Variants in ERBB4 observed in about 807,000 individuals in gnomAD.
The protein encoded by ERBB4 is erb-b2 receptor tyrosine kinase 4, also known as receptor tyrosine-protein kinase erbB-4.
In ERBB4, 42 loss-of-function variants were observed where a neutral mutation model predicts 158.0. The ratio of observed to expected loss-of-function variants is 0.27; its 90% confidence interval spans 0.21 to 0.34. The LOEUF (loss-of-function observed/expected upper bound fraction) is 0.34. ERBB4 is among the 10% of genes least tolerant of loss of function. The probability of loss-of-function intolerance (pLI) is 1.00; values close to 1 mark genes in which losing one functional copy is unlikely to be tolerated. For synonymous variants in ERBB4, 583 were observed against 558.7 expected, an observed-to-expected ratio of 1.04 and a Z score of -0.61; for missense variants, 1,333 against 1,624.1, an observed-to-expected ratio of 0.82 and a Z score of 3.08.
At chr2:211,962,445 A>G (rs1467137282) in intron 2 of ERBB4, among the ~76,000 whole-genome samples, 1 of 152,182 alleles carries the variant, frequency 6.6e-6, no homozygotes, top group Non-Finnish European at 1.5e-5. Context: ...TCACAGGTCT[A>G]AGACTGCTGA....
intron 1 of ERBB4, among the ~76,000 whole-genome samples, chr2:212,443,552 C>A (rs1230667187): frequency 6.6e-6 from 1 of 152,152 alleles, no homozygotes; most frequent in Non-Finnish European, 1.5e-5. Context: ...GCAACACATT[C>A]CTCATTTGGG....
At chr2:211,422,937 T>G (rs558087950) in intron 23 of ERBB4, among the ~76,000 whole-genome samples, 1 of 152,074 alleles carries the variant, frequency 6.6e-6, no homozygotes, top group African/African-American at 2.4e-5. Context: ...TTTAATAGAA[T>G]AAGGCTGTAA....
At position 211,376,047 on chromosome 2, in the gene ERBB4, A is replaced by T. The variant is rs992781686; in HGVS notation, c.*7568T>A. The T allele has an allele frequency of 4.3e-5, 10 of 232,976 alleles. No individual in the cohort carries two copies. Among genetic ancestry groups the T allele is most frequent in the Non-Finnish European group, 6.8e-5 (8 of 117,712 alleles). 14.4% of individuals were successfully genotyped at this position (232,976 alleles called of 1,614,324 possible). On this transcript the variant is annotated 3_prime_UTR_variant, in exon 28 of 28. Transcript: ENST00000342788. ...TGGAGGAGAAGAAAGAATAAGAGAA[A>T]GTATACTAAAAATATGCCTAACATT...
intron 2 of ERBB4, among the ~76,000 whole-genome samples, chr2:212,052,849 T>C (rs879738410): frequency 1.3e-5 from 2 of 152,208 alleles, no homozygotes; most frequent in Admixed American, 1.3e-4. Flanking sequence ...ACCCCAATTT[T>C]AGTTGCTCAG....
chr2:212,122,745 G>A (rs1480863532), intron 2 of ERBB4, among the ~76,000 whole-genome samples: 1 of 151,614 alleles, frequency 6.6e-6, no homozygotes, highest in Non-Finnish European at 1.5e-5. Flanking sequence ...ATCATTCCAT[G>A]CTGTTACCTT....
intron 1 of ERBB4, among the ~76,000 whole-genome samples, chr2:212,250,559 G>A (rs1161144049): frequency 6.6e-6 from 1 of 151,788 alleles, no homozygotes; most frequent in Non-Finnish European, 1.5e-5. Context: ...TTAAATTTGG[G>A]ACACAGGATT....
chr2:212,140,367 T>G (rs1354282758), intron 1 of ERBB4, among the ~76,000 whole-genome samples: 1 of 120,610 alleles, frequency 8.3e-6, no homozygotes, highest in Non-Finnish European at 1.6e-5. Context: ...ATATATATAG[T>G]AATATCTATA....
At chr2:212,498,932 AT>A (rs1273874690) in intron 1 of ERBB4, among the ~76,000 whole-genome samples, 1 of 152,084 alleles carries the variant, frequency 6.6e-6, no homozygotes, top group African/African-American at 2.4e-5. Flanking sequence ...ATCTTTGAAG[AT>A]TCTGGACAAG....
chr2:211,992,567 G>GAGA (rs1553528768), intron 2 of ERBB4, among the ~76,000 whole-genome samples: 79 of 125,230 alleles, frequency 6.3e-4, no homozygotes, highest in African/African-American at 2.0e-3. Context: ...GAGAGAGAGA[G>GAGA]AAAAAAAAAA....
At chr2:211,448,865 T>A (rs988124273) in intron 20 of ERBB4, among the ~76,000 whole-genome samples, 2 of 152,204 alleles carry the variant, frequency 1.3e-5, no homozygotes, top group African/African-American at 4.8e-5. Flanking sequence ...TAAGAGATTT[T>A]AAAAAATTAA....
chr2:211,947,330 G>T, intron 3 of ERBB4, 100 bp downstream of exon 3: 1 of 944,600 alleles, frequency 1.1e-6, no homozygotes, highest in East Asian at 2.5e-5. Flanking sequence ...AAATGCCTTA[G>T]AGTGTTCCTC....
intron 1 of ERBB4, among the ~76,000 whole-genome samples, chr2:212,250,402 G>T (rs1220049804): frequency 6.6e-6 from 1 of 151,826 alleles, no homozygotes; most frequent in Non-Finnish European, 1.5e-5. Context: ...ACTGTTACAA[G>T]TATAAGGTGT....
At chr2:211,939,398 T>C (rs1343652892) in intron 3 of ERBB4, among the ~76,000 whole-genome samples, 1 of 152,058 alleles carries the variant, frequency 6.6e-6, no homozygotes, top group Non-Finnish European at 1.5e-5. Context: ...AGATTTTTTT[T>C]TTTTTGAAAG....
At chr2:211,437,790 G>C (rs1365534575) in intron 20 of ERBB4, among the ~76,000 whole-genome samples, 5 of 151,848 alleles carry the variant, frequency 3.3e-5, no homozygotes, top group Admixed American at 6.6e-5. Flanking sequence ...TGAAGCTTTC[G>C]TAATAACAGG....
rs539299598 is a variant in ERBB4, at chr2:211,786,616, C to T, written c.556+1409G>A. On this transcript the variant is annotated intron_variant, in intron 4 of 27. Coordinates refer to ENST00000342788, the MANE Select transcript of ERBB4 (RefSeq NM_005235.3). ...CAGCAAACCCCTCAGACCTTTCCTGCTCCAAATTCTGTAAGGCTGGTGGGC... is the reference window on the plus strand; with the variant it reads ...CAGCAAACCCCTCAGACCTTTCCTGTTCCAAATTCTGTAAGGCTGGTGGGC... 1.1e-4 allele frequency among the ~76,000 whole-genome samples: 16 copies of T among 152,294 alleles called. No individual in the cohort carries two copies. The East Asian group carries it at 3.1e-3, about 29-fold the overall frequency.
chr2:212,528,173 A>C (rs1277095221), intron 1 of ERBB4, among the ~76,000 whole-genome samples: 4 of 152,018 alleles, frequency 2.6e-5, no homozygotes, highest in Non-Finnish European at 5.9e-5. Context: ...GGAAAGCAAA[A>C]AGAGCTGCTG....
intron 3 of ERBB4, among the ~76,000 whole-genome samples, chr2:211,795,609 T>A (rs2076366471): frequency 6.6e-6 from 1 of 151,896 alleles, no homozygotes; most frequent in East Asian, 1.9e-4. Flanking sequence ...TTCTATTTTG[T>A]TCTTGTTTCT....
chr2:211,820,208 A>G (rs1006540320), intron 3 of ERBB4, among the ~76,000 whole-genome samples: 6 of 151,934 alleles, frequency 3.9e-5, no homozygotes, highest in African/African-American at 1.4e-4. Context: ...AAGAAGTACT[A>G]ATTTATGCTT....
rs1047804300 is a variant in ERBB4 at position 211,753,854 on chromosome 2, A to ATTTTT, written c.557-3155_557-3151dup. ...GCATGCACTAACCTCAAAAGTCCTGATTTTTTTTTTTTTTTTTTTTTGAGA... is the reference window on the plus strand; with the variant it reads ...GCATGCACTAACCTCAAAAGTCCTGATTTTTTTTTTTTTTTTTTTTTTTTTTGAGA... On this transcript the variant is annotated intron_variant, in intron 4 of 27. Transcript: ENST00000342788. Among the ~76,000 whole-genome samples, 44 of 121,302 alleles carry ATTTTT rather than the reference A, an allele frequency of 3.6e-4. 1 individual carries two copies. The highest frequency in any genetic ancestry group is 9.0e-4 in the African/African-American group (28 of 31,056). 79.6% of individuals were successfully genotyped at this position (121,302 alleles called of 152,430 possible).
Sources: allele counts gnomAD v4.1 joint callset (sites outside exome capture counted in the v4.1 genomes callset), GRCh38; gene constraint gnomAD v4.1.1; transcripts MANE v1.5; gene names NCBI Gene and HGNC (gene_info 2026-07-23, HGNC 2026-07-21).